The following MITF variants were observed in gnomAD, a reference collection of about 807,000 sequenced individuals.
The protein encoded by MITF is microphthalmia-associated transcription factor.
In MITF, 17 loss-of-function variants were observed where a neutral mutation model predicts 60.5. That is an observed-to-expected ratio of 0.28 (90% CI 0.19 to 0.42). MITF has a LOEUF of 0.42. Ranked by LOEUF, MITF falls within the 10% of genes least tolerant of loss-of-function variation. The pLI is 1.00. For synonymous variants in MITF, 260 were observed against 248.5 expected (o/e 1.05, Z -0.43); for missense variants, 622 against 683.5 (o/e 0.91, Z 1.00).
At chr3:69,957,957 C>A (rs1395564264) in intron 8 of MITF, among the ~76,000 whole-genome samples, 3 of 152,126 alleles carry the variant, frequency 2.0e-5, no homozygotes, top group African/African-American at 4.8e-5. Flanking sequence ...AGCCCGGTAC[C>A]TTTTCTCCCA....
intron 1 of MITF, among the ~76,000 whole-genome samples, chr3:69,853,156 G>T (rs910420137): frequency 2.6e-5 from 4 of 152,002 alleles, no homozygotes; most frequent in Non-Finnish European, 5.9e-5. Context: ...ATAATATTTT[G>T]GGGGAAGTTG....
chr3:69,826,420 T>C (rs1307714146), intron 1 of MITF, among the ~76,000 whole-genome samples: 2 of 152,238 alleles, frequency 1.3e-5, no homozygotes, highest in African/African-American at 2.4e-5. Context: ...TTCCATATAG[T>C]ATTTCATTAT....
Position 69,765,667 on chromosome 3 carries a change from A to G in MITF, c.104+25966A>G, listed in dbSNP as rs2062279320. ...TGATTCTTTGCTGTTATCTTTCATA[A>G]GAGAGTGGATTTAGTTTAACTGTTA... is the stretch of plus-strand genomic sequence containing the variant. On this transcript the variant is annotated intron_variant, in intron 1 of 9. Coordinates refer to ENST00000352241, the MANE Select transcript of MITF (RefSeq NM_001354604.2). Among the ~76,000 whole-genome samples, 7 of 152,238 alleles carry G rather than the reference A, an allele frequency of 4.6e-5. No homozygotes were observed. In the South Asian group the frequency reaches 1.4e-3, roughly 31 times the overall value.
At chr3:69,833,455 T>C (rs939303475) in intron 1 of MITF, among the ~76,000 whole-genome samples, 5 of 152,212 alleles carry the variant, frequency 3.3e-5, no homozygotes, top group African/African-American at 1.2e-4. Flanking sequence ...ATTTACACTG[T>C]ATGTGATTGT....
intron 1 of MITF, among the ~76,000 whole-genome samples, chr3:69,870,622 A>G (rs2064217050): frequency 6.6e-6 from 1 of 151,788 alleles, no homozygotes; most frequent in South Asian, 2.1e-4. Context: ...GTTAGTAGAG[A>G]CGGGGTTTCA....
Position 69,967,956 on chromosome 3 carries a change from A to G in MITF, c.*2708A>G, listed in dbSNP as rs550253862. 2 of 233,618 alleles carry G rather than the reference A, an allele frequency of 8.6e-6. No homozygotes were observed. Among genetic ancestry groups the G allele is most frequent in the South Asian group, 1.8e-4 (1 of 5,534 alleles). The allele number at this position is 233,618 out of a possible 1,614,324, so 14.5% of individuals were successfully genotyped here. ...AAACCTTCTGACTTTGCCAAAAAGC[A>G]TACAAGCAACCTGGTCATACATAGG... On this transcript the variant is annotated 3_prime_UTR_variant, in exon 10 of 10. Transcript: ENST00000352241.
intron 2 of MITF, among the ~76,000 whole-genome samples, chr3:69,891,541 A>C (rs977341215): frequency 6.6e-6 from 1 of 152,188 alleles, no homozygotes; most frequent in African/African-American, 2.4e-5. Context: ...GAGCTCATTA[A>C]TCTGTGTTTT....
At position 69,913,352 on chromosome 3, in the gene MITF, G is replaced by A. The variant is rs568804843; in HGVS notation, c.355-24470G>A. On this transcript the variant is annotated intron_variant, in intron 2 of 9. Transcript: ENST00000352241. Reference sequence around the variant, plus strand: ...GTACAGTGTTAGTAGTATTACTGATGTCTGAATGACACTTCCACCTAAAGA... The same window carrying A: ...GTACAGTGTTAGTAGTATTACTGATATCTGAATGACACTTCCACCTAAAGA... Among the ~76,000 whole-genome samples, 41 of 152,216 alleles carry A rather than the reference G, an allele frequency of 2.7e-4. No homozygotes were observed. In the South Asian group the frequency reaches 5.2e-3, roughly 19 times the overall value.
chr3:69,910,392 C>A (rs1004596014), intron 2 of MITF, among the ~76,000 whole-genome samples: 5 of 152,178 alleles, frequency 3.3e-5, no homozygotes, highest in Non-Finnish European at 5.9e-5. Flanking sequence ...TTGGAGCCCC[C>A]ACATAGAGTC....
chr3:69,900,735 C>T (rs1189614225), intron 2 of MITF, among the ~76,000 whole-genome samples: 1 of 151,938 alleles, frequency 6.6e-6, no homozygotes, highest in Non-Finnish European at 1.5e-5. Flanking sequence ...TGTTGAAGAA[C>T]AAAAGTAACA....
intron 1 of MITF, among the ~76,000 whole-genome samples, chr3:69,786,380 G>T (rs1194508046): frequency 6.6e-6 from 1 of 152,170 alleles, no homozygotes; most frequent in Non-Finnish European, 1.5e-5. Flanking sequence ...TGAGTATGAA[G>T]TCCTTTGCGC....
intron 1 of MITF, among the ~76,000 whole-genome samples, chr3:69,830,495 G>T (rs550652275): frequency 6.6e-6 from 1 of 152,232 alleles, no homozygotes; most frequent in East Asian, 1.9e-4. Flanking sequence ...CTGGCCCTTT[G>T]GTTGCTTCTT....
intron 1 of MITF, among the ~76,000 whole-genome samples, chr3:69,833,658 GT>G (rs2063490659): frequency 6.6e-6 from 1 of 150,414 alleles, no homozygotes; most frequent in African/African-American, 2.4e-5. Context: ...GTATGTGGTT[GT>G]TTCCCTGTTT....
intron 2 of MITF, among the ~76,000 whole-genome samples, chr3:69,906,016 C>T (rs2065090796): frequency 6.6e-6 from 1 of 152,062 alleles, no homozygotes; most frequent in African/African-American, 2.4e-5. Context: ...ATTAATCATA[C>T]TTTTAATGTC....
intron 1 of MITF, among the ~76,000 whole-genome samples, chr3:69,852,794 C>A (rs1190618303): frequency 6.6e-6 from 1 of 152,142 alleles, no homozygotes; most frequent in Non-Finnish European, 1.5e-5. Flanking sequence ...CTGAGTGTGC[C>A]ATTTGCTCTG....
Position 69,886,569 on chromosome 3 carries a change from G to A in MITF, c.354+7186G>A, listed in dbSNP as rs183286354. On this transcript the variant is annotated intron_variant, in intron 2 of 9. Transcript: ENST00000352241. ...GAATCACCAGTAACAGAATATATTA[G>A]AGCAAAATGGGAGGTCAAAGAGAAA... Among the ~76,000 whole-genome samples the A allele has an allele frequency of 1.1e-4, 17 of 152,124 alleles. No homozygotes were observed. In the East Asian group the frequency reaches 3.1e-3, roughly 28 times the overall value.
rs971657653 is a variant in MITF at position 69,965,787 on chromosome 3, A to C, written c.*539A>C. On this transcript the variant is annotated 3_prime_UTR_variant, in exon 10 of 10. Transcript: ENST00000352241. ...TTGTTTAGTCTTTATACTGCAAACT[A>C]TTTAAAGAAATATGTATTCTGTAAA... 4.3e-6 allele frequency: 1 copy of C among 229,914 alleles called. No homozygotes were observed. Among genetic ancestry groups the C allele is most frequent in the African/African-American group, 2.2e-5 (1 of 44,698 alleles). 14.2% of individuals were successfully genotyped at this position (229,914 alleles called of 1,614,324 possible).
chr3:69,866,489 T>A (rs1365694352), intron 1 of MITF: 1 of 896,914 alleles, frequency 1.1e-6, no homozygotes, highest in Non-Finnish European at 1.5e-6. Context: ...CTGGCTTTAA[T>A]CAGCTTCAGC....
intron 2 of MITF, among the ~76,000 whole-genome samples, chr3:69,923,399 C>A (rs2065512659): frequency 6.6e-6 from 1 of 152,200 alleles, no homozygotes; most frequent in South Asian, 2.1e-4. Flanking sequence ...GGCTGGAATG[C>A]ATTGATGCGA....
Sources: gnomAD v4.1 joint callset for allele counts (sites outside exome capture counted in the v4.1 genomes callset) on GRCh38, gnomAD v4.1.1 for gene constraint, MANE v1.5 for transcripts, NCBI Gene and HGNC (gene_info 2026-07-23, HGNC 2026-07-21) for gene names.